Variants in OSBPL10 observed in about 807,000 individuals in gnomAD.
OSBPL10 encodes the protein oxysterol binding protein like 10, also known as oxysterol-binding protein-related protein 10.
OSBPL10 carries 49 observed loss-of-function variants against 81.7 expected under a neutral mutation model. The ratio of observed to expected loss-of-function variants is 0.60; its 90% CI spans 0.48 to 0.76. OSBPL10 has a LOEUF of 0.76. Among genes scored for constraint, OSBPL10 ranks in the 30% least tolerant of loss-of-function variants. The probability of loss-of-function intolerance (pLI) is 0.00; values close to 1 mark genes in which losing one functional copy is unlikely to be tolerated. For synonymous variants in OSBPL10, 419 were observed against 383.6 expected (o/e 1.09, Z -1.08); for missense variants, 923 against 987.8 (o/e 0.93, Z 0.88).
intron 2 of OSBPL10, among the ~76,000 whole-genome samples, chr3:32,010,968 C>T (rs986015462): frequency 5.3e-5 from 8 of 152,170 alleles, no homozygotes; most frequent in South Asian, 2.1e-4. Context: ...TGGAGCCCAC[C>T]GCAGCTCAAG....
intron 1 of OSBPL10, among the ~76,000 whole-genome samples, chr3:32,070,560 A>G (rs1331079855): frequency 6.6e-6 from 1 of 152,170 alleles, no homozygotes; most frequent in East Asian, 1.9e-4. Flanking sequence ...TCCCATTAAA[A>G]CCTAATCACC....
At chr3:31,819,549 G>A (rs781324951) in intron 4 of OSBPL10, among the ~76,000 whole-genome samples, 7 of 152,182 alleles carry the variant, frequency 4.6e-5, no homozygotes, top group East Asian at 1.9e-4. Context: ...CAGGGGCCAC[G>A]TAGGAGTGAG....
chr3:31,921,580 A>G (rs556541137), intron 1 of OSBPL10, among the ~76,000 whole-genome samples: 1 of 152,352 alleles, frequency 6.6e-6, no homozygotes, highest in South Asian at 2.1e-4. Context: ...TAAAAAATAA[A>G]TATGCATGAT....
At chr3:32,018,395 T>C (rs1699334017) in intron 2 of OSBPL10, among the ~76,000 whole-genome samples, 1 of 152,190 alleles carries the variant, frequency 6.6e-6, no homozygotes, top group Non-Finnish European at 1.5e-5. Context: ...GTTTGCTTTA[T>C]GGTTGAATGG....
At chr3:32,026,842 T>C (rs1699419677) in intron 2 of OSBPL10, among the ~76,000 whole-genome samples, 1 of 152,250 alleles carries the variant, frequency 6.6e-6, no homozygotes, top group South Asian at 2.1e-4. Context: ...CTTCACTTCC[T>C]CAGAAACAGC....
chr3:31,896,300 T>A (rs1696055713), intron 1 of OSBPL10, among the ~76,000 whole-genome samples: 1 of 152,208 alleles, frequency 6.6e-6, no homozygotes, highest in Admixed American at 6.5e-5. Context: ...TAAGATTATA[T>A]CCCTTAGGGG....
In OSBPL10 at chr3:31,759,044, C is replaced by T. The variant is rs1697961820; in HGVS notation, c.730-10924G>A. Among the ~76,000 whole-genome samples, 5 of 151,680 alleles carry T rather than the reference C, an allele frequency of 3.3e-5. No individual in the cohort carries two copies. In the South Asian group the frequency reaches 1.0e-3, roughly 31 times the overall value. On this transcript the variant is annotated intron_variant, in intron 4 of 11. Coordinates refer to ENST00000396556, the MANE Select transcript of OSBPL10 (RefSeq NM_017784.5). ...GAAGAGTGAAGAAAAAAATATTTTT[C>T]CTCCCCTATGATTTCTACACAAAGG...
intron 7 of OSBPL10, among the ~76,000 whole-genome samples, chr3:31,694,370 C>CAAAAA (rs747631578): frequency 4.8e-5 from 3 of 62,824 alleles, no homozygotes; most frequent in Non-Finnish European, 7.8e-5. Flanking sequence ...GACTCTGTCT[C>CAAAAA]AAAAAAAAAA....
intron 2 of OSBPL10, among the ~76,000 whole-genome samples, chr3:32,039,819 A>G (rs1291763233): frequency 1.3e-5 from 2 of 152,186 alleles, no homozygotes; most frequent in Admixed American, 1.3e-4. Flanking sequence ...ATATTATAAT[A>G]TACAATATAT....
At chr3:31,693,305 T>C (rs1159414186) in intron 7 of OSBPL10, among the ~76,000 whole-genome samples, 5 of 152,234 alleles carry the variant, frequency 3.3e-5, no homozygotes, top group South Asian at 2.1e-4. Flanking sequence ...CATATTGTGA[T>C]TGATGCTAGA....
intron 2 of OSBPL10, among the ~76,000 whole-genome samples, chr3:31,992,446 T>C (rs1448944786): frequency 1.3e-5 from 2 of 152,152 alleles, no homozygotes; most frequent in Non-Finnish European, 2.9e-5. Flanking sequence ...AGTAGAGCCA[T>C]GTTGATTCTG....
intron 1 of OSBPL10, among the ~76,000 whole-genome samples, chr3:31,921,537 C>T (rs1696915243): frequency 6.6e-6 from 1 of 151,982 alleles, no homozygotes; most frequent in Admixed American, 6.6e-5. Flanking sequence ...ATTTGAGCAA[C>T]AAAATAAAGT....
At chr3:31,697,125 T>C (rs998100709) in intron 7 of OSBPL10, among the ~76,000 whole-genome samples, 1 of 152,244 alleles carries the variant, frequency 6.6e-6, no homozygotes, top group Non-Finnish European at 1.5e-5. Context: ...TGTGCCAGTT[T>C]GGGGCCTAAG....
At chr3:32,050,047 G>A (rs1278704146) in intron 1 of OSBPL10, among the ~76,000 whole-genome samples, 1 of 152,198 alleles carries the variant, frequency 6.6e-6, no homozygotes, top group East Asian at 1.9e-4. Flanking sequence ...AAGCTGTAGT[G>A]AATCTGGTGT....
chr3:31,694,808 G>A (rs1361526700), intron 7 of OSBPL10, among the ~76,000 whole-genome samples: 2 of 152,198 alleles, frequency 1.3e-5, no homozygotes, highest in African/African-American at 2.4e-5. Flanking sequence ...AGACTGGAGT[G>A]CAATGGCACA....
At chr3:31,941,213 C>G (rs1697527509) in intron 1 of OSBPL10, among the ~76,000 whole-genome samples, 1 of 152,092 alleles carries the variant, frequency 6.6e-6, no homozygotes, top group Non-Finnish European at 1.5e-5. Flanking sequence ...ACTTCAGTAA[C>G]CATATATACA....
intron 1 of OSBPL10, among the ~76,000 whole-genome samples, chr3:31,925,036 A>T (rs990903157): frequency 1.3e-5 from 2 of 152,244 alleles, no homozygotes; most frequent in South Asian, 4.1e-4. Context: ...AAAGAAACTC[A>T]GTTGAAAGTA....
intron 4 of OSBPL10, among the ~76,000 whole-genome samples, chr3:31,804,339 G>C (rs1699471694): frequency 6.6e-6 from 1 of 152,120 alleles, no homozygotes; most frequent in African/African-American, 2.4e-5. Context: ...TTACAGATTA[G>C]AAAAACGAGG....
intron 1 of OSBPL10, among the ~76,000 whole-genome samples, chr3:31,965,953 ATT>A (rs1216565170): frequency 9.5e-6 from 1 of 104,966 alleles, no homozygotes; most frequent in African/African-American, 3.3e-5. Flanking sequence ...GATAATATAT[ATT>A]ATATATTATA....
Sources: allele counts gnomAD v4.1 joint callset (sites outside exome capture counted in the v4.1 genomes callset), GRCh38; gene constraint gnomAD v4.1.1; transcripts MANE v1.5; gene names NCBI Gene and HGNC (gene_info 2026-07-23, HGNC 2026-07-21).